Variants in COL23A1 observed in about 807,000 individuals in gnomAD.
The protein encoded by COL23A1 is collagen type XXIII alpha 1 chain, also known as collagen alpha-1(XXIII) chain.
In COL23A1, 97 loss-of-function variants were observed where a neutral mutation model predicts 99.3. The observed-to-expected ratio is 0.98, with a 90% confidence interval of 0.83 to 1.16. COL23A1 has a LOEUF of 1.16. COL23A1 is among the 50% of genes most tolerant of loss of function. The probability of loss-of-function intolerance (pLI) is 0.00; values close to 1 mark genes in which losing one functional copy is unlikely to be tolerated. For missense variants in COL23A1, 762 were observed against 757.4 expected, an observed-to-expected ratio of 1.01 and a Z score of -0.07; for synonymous variants, 320 against 308.2, an observed-to-expected ratio of 1.04 and a Z score of -0.40.
In COL23A1 at chr5:178,248,201, C is replaced by T. The variant is rs374620212; in HGVS notation, c.1203G>A (p.Gln401=). 4 of 1,606,672 alleles carry T rather than the reference C, an allele frequency of 2.5e-6. No individual in the cohort carries two copies. Among genetic ancestry groups the T allele is most frequent in the Non-Finnish European group, 2.6e-6 (3 of 1,173,474 alleles). ...EKGESASDSL[Q]ESLAQLIVEP... ...CCCCATACCCCCTTACCAGGCTCTC[C>T]TGTAGGCTGTCAGACGCCGACTCCC... The change falls in exon 20 of 29, where the codon CAG becomes CAA. Residue 401 remains glutamine (Q), a synonymous_variant. Coordinates refer to ENST00000390654, the MANE Select transcript of COL23A1 (RefSeq NM_173465.4).
rs984733311 is a variant in COL23A1 at position 178,340,398 on chromosome 5, A to G, written c.362-33479T>C. 1.3e-5 allele frequency among the ~76,000 whole-genome samples: 2 copies of G among 152,210 alleles called. No individual in the cohort carries two copies. Among genetic ancestry groups the G allele is most frequent in the African/African-American group, 2.4e-5 (1 of 41,448 alleles). ...TAAAAGCTGGTCTCCTTGGCAATTA[A>G]CGTTCACTTCTGCTTTTGCCTTAGA... On this transcript the variant is annotated intron_variant, in intron 2 of 28. Coordinates refer to ENST00000390654, the MANE Select transcript of COL23A1 (RefSeq NM_173465.4). The surrounding 1 kb of genome is among the most constrained non-coding windows in gnomAD (Gnocchi z 4.7).
chr5:178,374,345 AAC>A (rs1260275728), intron 2 of COL23A1, among the ~76,000 whole-genome samples: 8 of 152,210 alleles, frequency 5.3e-5, no homozygotes, highest in South Asian at 2.1e-4. Context: ...GGCCCAGTTC[AAC>A]AGTCACTTCC....
chr5:178,285,098 C>T (rs1334524003), intron 5 of COL23A1, among the ~76,000 whole-genome samples: 4 of 152,200 alleles, frequency 2.6e-5, no homozygotes, highest in Non-Finnish European at 5.9e-5. Context: ...ATGGACAGGG[C>T]GAGCCGGGCC....
At chr5:178,403,411 T>C (rs2910132) in intron 2 of COL23A1, among the ~76,000 whole-genome samples, 105,927 of 152,026 alleles carry the variant, frequency 0.7, 38,476 homozygotes, top group African/African-American at 0.88. Context: ...TGCCCTTCCT[T>C]CCCTTGGAGA....
At chr5:178,272,027 C>T (rs920304580) in intron 5 of COL23A1, among the ~76,000 whole-genome samples, 1 of 152,226 alleles carries the variant, frequency 6.6e-6, no homozygotes, top group African/African-American at 2.4e-5. Context: ...GCATCAGGGT[C>T]CTCTGTGGTT....
rs994204353 is a variant in COL23A1 at position 178,263,139 on chromosome 5, C to G, written c.639+69G>C. 5.4e-6 allele frequency: 6 copies of G among 1,115,168 alleles called. No individual in the cohort carries two copies. In the East Asian group the frequency reaches 9.4e-5, roughly 17 times the overall value. The allele number at this position is 1,115,168 out of a possible 1,614,324, so 69.1% of individuals were successfully genotyped here. A position where few individuals can be genotyped will look rare whatever the true frequency, so the allele number is the denominator to read the frequency against. On this transcript the variant is annotated intron_variant, in intron 9 of 28. Transcript: ENST00000390654. ...ACTAGAGATGGGGATGGGGATGGGG[C>G]TGGCTCTGGAATCAGGATTTGGGGT...
At chr5:178,515,197 C>A (rs1362640621) in intron 2 of COL23A1, among the ~76,000 whole-genome samples, 1 of 152,232 alleles carries the variant, frequency 6.6e-6, no homozygotes, top group Admixed American at 6.5e-5. Context: ...AGAGGACTTT[C>A]CCTCTGGAAG....
intron 2 of COL23A1, among the ~76,000 whole-genome samples, chr5:178,427,204 A>G (rs1244062336): frequency 6.6e-6 from 1 of 152,204 alleles, no homozygotes; most frequent in Non-Finnish European, 1.5e-5. Flanking sequence ...AAAAAATAAT[A>G]ATAATGATGA....
chr5:178,531,462 G>A (rs2113210561), intron 2 of COL23A1, among the ~76,000 whole-genome samples: 1 of 152,282 alleles, frequency 6.6e-6, no homozygotes, highest in Middle Eastern at 3.4e-3. Flanking sequence ...AGGTCTGCCT[G>A]TTAAGGATGG....
rs1324740662 is a variant in COL23A1, at chr5:178,313,664, C to T, written c.362-6745G>A. ...TGGCCAAGATTTTCTCATCCCACCA[C>T]GTGTCGAGTGTCCCTTCAGACCTGG... On this transcript the variant is annotated intron_variant, in intron 2 of 28. Coordinates refer to ENST00000390654, the MANE Select transcript of COL23A1 (RefSeq NM_173465.4). The surrounding 1 kb of genome is among the most constrained non-coding windows in gnomAD (Gnocchi z 4.2). Among the ~76,000 whole-genome samples, 3 of 152,322 alleles carry T rather than the reference C, an allele frequency of 2.0e-5. No individual in the cohort carries two copies. Among genetic ancestry groups the T allele is most frequent in the African/African-American group, 7.2e-5 (3 of 41,570 alleles).
At chr5:178,361,883 A>G (rs1762193435) in intron 2 of COL23A1, among the ~76,000 whole-genome samples, 1 of 152,086 alleles carries the variant, frequency 6.6e-6, no homozygotes, top group African/African-American at 2.4e-5. Flanking sequence ...ACATCCTGAC[A>G]TTCCCGCCTC....
At chr5:178,578,089 A>T (rs1181948248) in intron 1 of COL23A1, among the ~76,000 whole-genome samples, 1 of 150,272 alleles carries the variant, frequency 6.7e-6, no homozygotes, top group African/African-American at 2.5e-5. Flanking sequence ...GCACACACAC[A>T]TGCATGCACA....
rs184195866 is a variant in COL23A1 at position 178,342,187 on chromosome 5, C to T, written c.362-35268G>A. ...GCGGCTGCAGTTCCCACATGGCCCA[C>T]GATGGAGGAATATTTGCACTTAGGA... On this transcript the variant is annotated intron_variant, in intron 2 of 28. Transcript: ENST00000390654. Among the ~76,000 whole-genome samples, 486 of 152,284 alleles carry T rather than the reference C, an allele frequency of 3.2e-3. 2 individuals carry two copies. Among genetic ancestry groups the T allele is most frequent in the African/African-American group, 0.011 (456 of 41,550 alleles).
chr5:178,421,451 C>T (rs1765628772), intron 2 of COL23A1, among the ~76,000 whole-genome samples: 1 of 152,088 alleles, frequency 6.6e-6, no homozygotes, highest in Admixed American at 6.5e-5. Context: ...GGATTAAAGT[C>T]TCAGCACAAG....
intron 2 of COL23A1, among the ~76,000 whole-genome samples, chr5:178,321,977 A>C (rs1278137129): frequency 4.8e-5 from 7 of 146,494 alleles, no homozygotes; most frequent in African/African-American, 7.7e-5. Context: ...ACCACGCCTG[A>C]CTATTTTTTA....
intron 2 of COL23A1, among the ~76,000 whole-genome samples, chr5:178,325,974 G>A (rs1372529255): frequency 6.6e-6 from 1 of 152,196 alleles, no homozygotes; most frequent in African/African-American, 2.4e-5. Flanking sequence ...TTTCTAGCCA[G>A]GGCTGTTGGA....
intron 5 of COL23A1, among the ~76,000 whole-genome samples, chr5:178,272,491 C>T (rs1756347094): frequency 6.6e-6 from 1 of 152,180 alleles, no homozygotes; most frequent in Non-Finnish European, 1.5e-5. Context: ...GAGTGATGGC[C>T]TGGTGACAGC....
intron 2 of COL23A1, among the ~76,000 whole-genome samples, chr5:178,478,097 G>A (rs1757128289): frequency 6.6e-6 from 1 of 152,170 alleles, no homozygotes; most frequent in African/African-American, 2.4e-5. Context: ...GGTCCTGCAG[G>A]GCCTCAATCA....
At chr5:178,569,005 CT>C (rs1342396066) in intron 1 of COL23A1, among the ~76,000 whole-genome samples, 1 of 152,220 alleles carries the variant, frequency 6.6e-6, no homozygotes, top group Admixed American at 6.5e-5. Flanking sequence ...CCACCAAACT[CT>C]TTTCCACAGT....
Sources: allele counts gnomAD v4.1 joint callset (sites outside exome capture counted in the v4.1 genomes callset), GRCh38; gene constraint gnomAD v4.1.1; non-coding constraint Gnocchi (gnomAD v3.1); transcripts MANE v1.5; gene names NCBI Gene and HGNC (gene_info 2026-07-23, HGNC 2026-07-21).